The following NPAS2 variants were observed in gnomAD, a reference collection of about 807,000 sequenced individuals.
The protein encoded by NPAS2 is neuronal PAS domain protein 2, also known as neuronal PAS domain-containing protein 2.
Under a neutral mutation model 107.5 loss-of-function variants are expected in NPAS2, and 23 were observed. The observed-to-expected ratio is 0.21, with a 90% CI of 0.15 to 0.30. NPAS2 has a LOEUF of 0.30. Among genes scored for constraint, NPAS2 ranks in the 10% least tolerant of loss-of-function variants. NPAS2 has a pLI of 1.00. For synonymous variants in NPAS2, 403 were observed against 417.5 expected (o/e 0.97, Z 0.42); for missense variants, 756 against 1,043.3 (o/e 0.72, Z 3.79).
chr2:100,994,436 C>T (rs970656825), intron 20 of NPAS2: 2 of 152,296 alleles, frequency 1.3e-5, no homozygotes, highest in African/African-American at 2.4e-5. Flanking sequence ...CTTGTCAGTT[C>T]TCGAGACCCA....
intron 1 of NPAS2, among the ~76,000 whole-genome samples, chr2:100,829,534 G>A (rs1676598453): frequency 6.6e-6 from 1 of 152,180 alleles, no homozygotes; most frequent in African/African-American, 2.4e-5. Flanking sequence ...GAAGTCATTT[G>A]TCAGTTCTAG....
intron 14 of NPAS2, among the ~76,000 whole-genome samples, chr2:100,977,357 A>G (rs911647818): frequency 6.6e-6 from 1 of 152,202 alleles, no homozygotes; most frequent in Non-Finnish European, 1.5e-5. Flanking sequence ...GACACCGCTA[A>G]GAATTAATCC....
chr2:100,901,771 C>T (rs1051222653), intron 1 of NPAS2, among the ~76,000 whole-genome samples: 2 of 152,108 alleles, frequency 1.3e-5, no homozygotes, highest in Admixed American at 1.3e-4. Flanking sequence ...GGTAACCACA[C>T]TGTCCCTCTT....
intron 5 of NPAS2, among the ~76,000 whole-genome samples, chr2:100,943,949 CT>C (rs1388907793): frequency 6.6e-6 from 1 of 152,180 alleles, no homozygotes; most frequent in South Asian, 2.1e-4. Flanking sequence ...TGTGGCTTAC[CT>C]TTCCCCCTTT....
At chr2:100,922,906 C>A (rs1683327124) in intron 2 of NPAS2, among the ~76,000 whole-genome samples, 1 of 152,116 alleles carries the variant, frequency 6.6e-6, no homozygotes, top group East Asian at 1.9e-4. Context: ...AAGACGAGAA[C>A]AGAGCAGTAA....
intron 1 of NPAS2, among the ~76,000 whole-genome samples, chr2:100,840,316 G>C (rs565471507): frequency 6.6e-6 from 1 of 152,248 alleles, no homozygotes; most frequent in South Asian, 2.1e-4. Context: ...CTACAGCGAA[G>C]ACTGTAGGTT....
chr2:100,932,442 C>T (rs1270330524), intron 3 of NPAS2, among the ~76,000 whole-genome samples: 1 of 152,234 alleles, frequency 6.6e-6, no homozygotes, highest in Non-Finnish European at 1.5e-5. Flanking sequence ...CTGTATAACA[C>T]AGTGGGTTAT....
chr2:100,975,371 G>T (rs1676914999), intron 13 of NPAS2, 87 bp from the exon 14 acceptor site: 1 of 1,187,342 alleles, frequency 8.4e-7, no homozygotes, highest in East Asian at 2.4e-5. Context: ...CTCTTGTACT[G>T]TGCACACCAC....
At chr2:100,966,784 A>G (rs1260442725) in intron 10 of NPAS2, among the ~76,000 whole-genome samples, 3 of 151,942 alleles carry the variant, frequency 2.0e-5, no homozygotes, top group Admixed American at 6.6e-5. Flanking sequence ...TTTAGTACAG[A>G]CAGGGTTTCA....
chr2:100,899,381 A>T lies in NPAS2; in HGVS notation c.-22-5352A>T, dbSNP rs560886724. Among the ~76,000 whole-genome samples the T allele has an allele frequency of 1.5e-4, 23 of 151,928 alleles. No homozygotes were observed. The South Asian group carries it at 1.9e-3, about 12-fold the overall frequency. On this transcript the variant is annotated intron_variant, in intron 1 of 20. Transcript: ENST00000335681. ...TGGGATTACAGGTGTGTACCATCAC[A>T]TGGGCTAATTTTTGTATTTTTAGTA...
chr2:100,995,882 G>C lies in NPAS2; in HGVS notation c.*300G>C. The C allele has an allele frequency of 6.8e-7, 1 of 1,467,942 alleles. No homozygotes were observed. 90.9% of individuals were successfully genotyped at this position (1,467,942 alleles called of 1,614,324 possible). On this transcript the variant is annotated 3_prime_UTR_variant, in exon 21 of 21. Transcript: ENST00000335681. ...CGGTCGGTTTGCCGTCAGAGATGGC[G>C]CATCTCGCTGCATCCCCCGAGAGTA...
intron 10 of NPAS2, among the ~76,000 whole-genome samples, chr2:100,967,921 T>C (rs1189632346): frequency 6.6e-6 from 1 of 152,250 alleles, no homozygotes; most frequent in African/African-American, 2.4e-5. Flanking sequence ...TGCTCTCTCC[T>C]GGGCTCCTGC....
chr2:100,925,093 A>C, intron 2 of NPAS2, 53 bp from the exon 3 acceptor site: 1 of 1,552,774 alleles, frequency 6.4e-7, no homozygotes. Context: ...GTTTCATCAC[A>C]AAGCCTTTGT....
At position 100,877,828 on chromosome 2, in the gene NPAS2, G is replaced by C. The variant is rs75104264; in HGVS notation, c.-22-26905G>C. 4.4e-3 allele frequency: 1,771 copies of C among 403,694 alleles called. 32 individuals are homozygous for C. The highest frequency in any genetic ancestry group is 0.036 in the African/African-American group (1,671 of 45,948). 25.0% of individuals were successfully genotyped at this position (403,694 alleles called of 1,614,324 possible). On this transcript the variant is annotated intron_variant, in intron 1 of 20. Transcript: ENST00000335681. Reference sequence around the variant, plus strand: ...CTCAAGTGCAGCCGTGTCTTCAGCCGGTGCATCCTTTTTATTTCATTTCAC... The same window carrying C: ...CTCAAGTGCAGCCGTGTCTTCAGCCCGTGCATCCTTTTTATTTCATTTCAC...
intron 19 of NPAS2, among the ~76,000 whole-genome samples, chr2:100,991,742 T>C (rs567177529): frequency 1.4e-5 from 2 of 148,084 alleles, no homozygotes; most frequent in East Asian, 3.9e-4. Flanking sequence ...TCGGTCTTTT[T>C]TTGTTTGTTT....
intron 16 of NPAS2, 137 bp from the exon 17 acceptor site, chr2:100,987,942 C>A: frequency 1.1e-6 from 1 of 919,910 alleles, no homozygotes; most frequent in Non-Finnish European, 1.7e-6. Flanking sequence ...GCTCCATGTC[C>A]ACCAGTGGAG....
chr2:100,966,097 G>A (rs961970908), intron 10 of NPAS2, among the ~76,000 whole-genome samples: 4 of 151,950 alleles, frequency 2.6e-5, no homozygotes, highest in Admixed American at 6.6e-5. Flanking sequence ...ATAAAATACC[G>A]AATTCTCATA....
chr2:100,852,030 GTGT>G (rs1488738999), intron 1 of NPAS2, among the ~76,000 whole-genome samples: 1 of 152,194 alleles, frequency 6.6e-6, no homozygotes, highest in African/African-American at 2.4e-5. Flanking sequence ...CAGGCAGCTG[GTGT>G]TGTGCTCCCA....
intron 1 of NPAS2, among the ~76,000 whole-genome samples, chr2:100,870,077 T>C (rs562341536): frequency 6.6e-6 from 1 of 151,956 alleles, no homozygotes; most frequent in South Asian, 2.1e-4. Flanking sequence ...GCTAATTTTT[T>C]GTTTTCAGAG....
Sources: allele counts gnomAD v4.1 joint callset (sites outside exome capture counted in the v4.1 genomes callset), GRCh38; gene constraint gnomAD v4.1.1; transcripts MANE v1.5; gene names NCBI Gene and HGNC (gene_info 2026-07-23, HGNC 2026-07-21).